The following REDIC1 variants were observed in gnomAD, a reference collection of about 807,000 sequenced individuals.
REDIC1 encodes the protein HEI10 Interacting Protein 1.
At chr12:39,689,735 A>G in the REDIC1 span, among the ~76,000 whole-genome samples, 61 of 152,112 alleles carry the variant, frequency 4.0e-4, no homozygotes, top group Non-Finnish European at 7.9e-4. Flanking sequence ...AAAGGAGGAA[A>G]ATGTGGTCAG....
chr12:39,898,993 C>T, the REDIC1 span, among the ~76,000 whole-genome samples: 1 of 152,306 alleles, frequency 6.6e-6, no homozygotes, highest in Middle Eastern at 3.4e-3. Flanking sequence ...ATGCTGGCCT[C>T]ATAAAATGAG....
At chr12:39,809,309 G>A in the REDIC1 span, among the ~76,000 whole-genome samples, 1 of 152,086 alleles carries the variant, frequency 6.6e-6, no homozygotes, top group African/African-American at 2.4e-5. Context: ...CTGGATTACT[G>A]TAACTTTATA....
the REDIC1 span, chr12:39,764,712 A>G: frequency 6.2e-7 from 1 of 1,606,474 alleles, no homozygotes; most frequent in Non-Finnish European, 8.5e-7. Context: ...AATTAATGCA[A>G]CAGTATAACA....
the REDIC1 span, among the ~76,000 whole-genome samples, chr12:39,725,308 C>T: frequency 1.3e-5 from 2 of 152,152 alleles, no homozygotes; most frequent in East Asian, 3.9e-4. Context: ...CCACTACTAG[C>T]ATGAAGGATC....
At chr12:39,863,633 A>G in the REDIC1 span, among the ~76,000 whole-genome samples, 3 of 152,234 alleles carry the variant, frequency 2.0e-5, no homozygotes, top group Admixed American at 2.0e-4. Context: ...TAAAGATGCT[A>G]TGGTTAACTT....
the REDIC1 span, among the ~76,000 whole-genome samples, chr12:39,629,630 A>G: frequency 1.3e-5 from 2 of 152,176 alleles, no homozygotes; most frequent in Non-Finnish European, 2.9e-5. Flanking sequence ...GTGATTAGAA[A>G]TAAGCTTCCC....
the REDIC1 span, among the ~76,000 whole-genome samples, chr12:39,896,171 T>G: frequency 6.8e-6 from 1 of 147,614 alleles, no homozygotes; most frequent in South Asian, 2.1e-4. Flanking sequence ...TATACATATA[T>G]GAATATGTAT....
the REDIC1 span, among the ~76,000 whole-genome samples, chr12:39,814,895 A>G: frequency 1.3e-5 from 2 of 152,226 alleles, no homozygotes; most frequent in Non-Finnish European, 2.9e-5. Flanking sequence ...TAGATAAGGC[A>G]GAAAGATATG....
At chr12:39,704,773 G>C in the REDIC1 span, among the ~76,000 whole-genome samples, 1 of 152,172 alleles carries the variant, frequency 6.6e-6, no homozygotes, top group Admixed American at 6.6e-5. Context: ...GCCTTTGTAG[G>C]GACATGGATG....
the REDIC1 span, among the ~76,000 whole-genome samples, chr12:39,739,445 G>GA: frequency 2.0e-5 from 3 of 152,106 alleles, no homozygotes; most frequent in Non-Finnish European, 2.9e-5. Context: ...CACATTAGAA[G>GA]AAAAGATAAA....
At chr12:39,640,419 T>C in the REDIC1 span, among the ~76,000 whole-genome samples, 2 of 151,918 alleles carry the variant, frequency 1.3e-5, no homozygotes, top group African/African-American at 2.4e-5. Context: ...TTTATAGTAT[T>C]TTGTTATAGC....
the REDIC1 span, among the ~76,000 whole-genome samples, chr12:39,866,744 G>A: frequency 6.6e-6 from 1 of 152,096 alleles, no homozygotes. Context: ...CTCCCAAAGT[G>A]CTGGGATTAC....
At chr12:39,843,987 G>A in the REDIC1 span, among the ~76,000 whole-genome samples, 21 of 151,898 alleles carry the variant, frequency 1.4e-4, no homozygotes, top group Admixed American at 3.3e-4. Flanking sequence ...CACTCCACAC[G>A]TAGGTCATAG....
chr12:39,752,459 T>C, the REDIC1 span, among the ~76,000 whole-genome samples: 1 of 152,152 alleles, frequency 6.6e-6, no homozygotes, highest in Admixed American at 6.6e-5. Flanking sequence ...TTGTCTTCCA[T>C]GAAACCGGTC....
chr12:39,696,841 G>A, the REDIC1 span, among the ~76,000 whole-genome samples: 1 of 152,118 alleles, frequency 6.6e-6, no homozygotes. Context: ...CAAAGAATTA[G>A]TGAGCTTGAA....
At chr12:39,890,799 T>A in the REDIC1 span, among the ~76,000 whole-genome samples, 1 of 152,168 alleles carries the variant, frequency 6.6e-6, no homozygotes, top group African/African-American at 2.4e-5. Flanking sequence ...TTAAACAAAT[T>A]ATGGCTGACC....
chr12:39,731,220 G>T, the REDIC1 span, among the ~76,000 whole-genome samples: 1 of 152,218 alleles, frequency 6.6e-6, no homozygotes, highest in East Asian at 1.9e-4. Context: ...GTGATTCTTT[G>T]GGGGAGAAGA....
the REDIC1 span, chr12:39,643,721 A>G: frequency 1.7e-6 from 2 of 1,204,844 alleles, no homozygotes; most frequent in Admixed American, 2.7e-5. Flanking sequence ...TTTATTATTT[A>G]TAATTCTGTC....
At chr12:39,703,565 A>T in the REDIC1 span, among the ~76,000 whole-genome samples, 4 of 152,098 alleles carry the variant, frequency 2.6e-5, no homozygotes, top group Non-Finnish European at 5.9e-5. Context: ...GACTTTCTTC[A>T]CAGAATTGGA....
Sources: allele counts gnomAD v4.1 joint callset (sites outside exome capture counted in the v4.1 genomes callset), GRCh38; gene constraint gnomAD v4.1.1; transcripts MANE v1.5; gene names NCBI Gene and HGNC (gene_info 2026-07-23, HGNC 2026-07-21).